The following DEFB113 variants were observed in gnomAD, a reference collection of about 807,000 sequenced individuals.
DEFB113 encodes the protein beta-defensin 113.
Under a neutral mutation model 2.5 loss-of-function variants are expected in DEFB113, and 5 were observed. That is an observed-to-expected ratio of 1.99 (90% CI 1.04 to 4.18). The LOEUF (loss-of-function observed/expected upper bound fraction) is 4.18, where lower values mean the gene tolerates loss of function less well. Among genes scored for constraint, DEFB113 ranks in the 30% most tolerant of loss-of-function variants. The pLI is 0.00. For synonymous variants in DEFB113, 42 were observed against 31.6 expected, an observed-to-expected ratio of 1.33 and a Z score of -1.11; for missense variants, 123 against 96.6, an observed-to-expected ratio of 1.27 and a Z score of -1.14.
chr6:49,969,366 C>T lies in DEFB113; in HGVS notation c.58+202G>A, dbSNP rs182229152. ...AACACAATAAATAAATTTAATTCTA[C>T]ATCTCAGGAAGTTTTAAAAATTATT... On this transcript the variant is annotated intron_variant, in intron 1 of 1. Coordinates refer to ENST00000398718, the MANE Select transcript of DEFB113 (RefSeq NM_001037729.1). Among the ~76,000 whole-genome samples the T allele has an allele frequency of 8.2e-4, 124 of 151,304 alleles. 1 individual carries two copies. The highest frequency in any genetic ancestry group is 2.7e-3 in the African/African-American group (113 of 41,452).
Position 49,969,572 on chromosome 6 carries a change from T to G in DEFB113, c.54A>C (p.Pro18=), listed in dbSNP as rs962030000. 1 of 1,601,708 alleles carries G rather than the reference T, an allele frequency of 6.2e-7. No individual in the cohort carries two copies. Among genetic ancestry groups the G allele is most frequent in the Non-Finnish European group, 8.5e-7 (1 of 1,171,662 alleles). ...TTTTATAATAACAAATATTACCTGATGGACCACAAGACACAGTGAAGACAA... is the reference window on the plus strand; with the variant it reads ...TTTTATAATAACAAATATTACCTGAGGGACCACAAGACACAGTGAAGACAA... ...LTFVFTVSCG[P]SVPQKKTREV... is the part of the protein sequence containing the mutation. Residue 18 remains proline (P), a synonymous_variant, in exon 1 of 2, where the codon CCA becomes CCC. Transcript: ENST00000398718.
intron 1 of DEFB113, 50 bp from the exon 2 acceptor site, chr6:49,968,917 A>T: frequency 6.7e-7 from 1 of 1,501,012 alleles, no homozygotes; most frequent in Non-Finnish European, 9.0e-7. Context: ...ATCCTTAGAT[A>T]CAGAGATGAA....
chr6:49,969,192 A>G (rs1211837816), intron 1 of DEFB113, among the ~76,000 whole-genome samples: 1 of 151,142 alleles, frequency 6.6e-6, no homozygotes, highest in Non-Finnish European at 1.5e-5. Context: ...ATCCACCTCC[A>G]ACCCCTTTTC....
At chr6:49,969,516 A>G (rs1239220495) in intron 1 of DEFB113, 52 bp downstream of exon 1, 4 of 1,282,908 alleles carry the variant, frequency 3.1e-6, no homozygotes, top group Non-Finnish European at 4.5e-6. Flanking sequence ...AGAGTAAAGC[A>G]TTTATAAGAA....
At chr6:49,969,435 T>C (rs1339149098) in intron 1 of DEFB113, 133 bp downstream of exon 1, 1 of 560,496 alleles carries the variant, frequency 1.8e-6, no homozygotes, top group South Asian at 3.2e-5. Context: ...CATGAAAAAA[T>C]AGAGAAAATT....
rs1773584936 is a variant in DEFB113, at chr6:49,968,710, A to G, written c.216T>C (p.Ile72=). 2.6e-6 allele frequency: 4 copies of G among 1,513,390 alleles called. No homozygotes were observed. The highest frequency in any genetic ancestry group is 2.6e-5 in the South Asian group (2 of 76,734). 93.7% of individuals were successfully genotyped at this position (1,513,390 alleles called of 1,614,324 possible). ...GATGGAGTTTACTAGTGATTTTGTT[A>G]ATGATTGGCTTTTGGTATTCCCATA... ...CAVWEYQKPI[I]NKITSKLHQK Residue 72 remains isoleucine (I), a synonymous_variant, in exon 2 of 2, where the codon ATT becomes ATC. Transcript: ENST00000398718.
In DEFB113 at chr6:49,968,804, G is replaced by T. The variant is rs779271969; in HGVS notation, c.122C>A (p.Ala41Asp). ...CCAGCTGTTGCATTCCGGCTTGCAA[G>T]CACCACGAACAAGCTGACATTCTCT... The part of the protein sequence containing the change: ...RKRECQLVRG[A>D]CKPECNSWEY... Residue 41 changes from alanine to aspartate, a missense_variant, in exon 2 of 2, where the codon GCT (alanine) becomes GAT (aspartate). Coordinates refer to ENST00000398718, the MANE Select transcript of DEFB113 (RefSeq NM_001037729.1). The T allele has an allele frequency of 3.1e-6, 5 of 1,603,826 alleles. No individual in the cohort carries two copies. The East Asian group carries it at 1.1e-4, about 36-fold the overall frequency.
intron 1 of DEFB113, 141 bp from the exon 2 acceptor site, chr6:49,969,008 TCA>T (rs1773591220): frequency 3.0e-6 from 2 of 677,674 alleles, no homozygotes; most frequent in Non-Finnish European, 4.5e-6. Flanking sequence ...TTTCCCTCTC[TCA>T]GCTGGTATAA....
intron 1 of DEFB113, 85 bp from the exon 2 acceptor site, chr6:49,968,952 A>G: frequency 7.7e-7 from 1 of 1,299,192 alleles, no homozygotes; most frequent in Non-Finnish European, 1.0e-6. Flanking sequence ...TGTAGAGTTA[A>G]ACCATTTTGT....
intron 1 of DEFB113, 51 bp downstream of exon 1, chr6:49,969,517 T>TTTTATTATTTATTA (rs1773598764): frequency 2.3e-6 from 3 of 1,295,424 alleles, no homozygotes; most frequent in Non-Finnish European, 3.3e-6. Context: ...GAGTAAAGCA[T>TTTTATTATTTATTA]TTATAAGAAC....
intron 1 of DEFB113, 38 bp downstream of exon 1, chr6:49,969,530 T>C (rs1773598973): frequency 7.1e-7 from 1 of 1,407,082 alleles, no homozygotes; most frequent in Non-Finnish European, 1.0e-6. Flanking sequence ...ATAAGAACAT[T>C]TTGCCTTTCA....
Position 49,968,819 on chromosome 6 carries a change from T to G in DEFB113, c.107A>C (p.Gln36Pro). The G allele has an allele frequency of 6.2e-7, 1 of 1,602,740 alleles. No individual in the cohort carries two copies. Among genetic ancestry groups the G allele is most frequent in the Non-Finnish European group, 8.5e-7 (1 of 1,174,762 alleles). ...REVAERKREC[Q>P]LVRGACKPEC... ...CGGCTTGCAAGCACCACGAACAAGC[T>G]GACATTCTCTTTTTCTCTCTGCAAC... The change falls in exon 2 of 2, where the codon CAG becomes CCG. Residue 36 changes from glutamine to proline, a missense_variant. Transcript: ENST00000398718.
Position 49,969,581 on chromosome 6 carries a change from A to C in DEFB113, c.45T>G (p.Ser15=), listed in dbSNP as rs1425431689. Residue 15 remains serine (S), a synonymous_variant, in exon 1 of 2, where the codon TCT becomes TCG. Coordinates refer to ENST00000398718, the MANE Select transcript of DEFB113 (RefSeq NM_001037729.1). The part of the protein sequence containing the change: ...CIFLTFVFTV[S]CGPSVPQKKT... The stretch of plus-strand genomic sequence containing the variant: ...AACAAATATTACCTGATGGACCACA[A>C]GACACAGTGAAGACAAAGGTCAGAA... 1 of 1,605,944 alleles carries C rather than the reference A, an allele frequency of 6.2e-7. No individual in the cohort carries two copies. Among genetic ancestry groups the C allele is most frequent in the Non-Finnish European group, 8.5e-7 (1 of 1,174,538 alleles).
At chr6:49,969,156 C>G (rs1035399892) in intron 1 of DEFB113, among the ~76,000 whole-genome samples, 1 of 151,052 alleles carries the variant, frequency 6.6e-6, no homozygotes, top group Admixed American at 6.6e-5. Flanking sequence ...AAGAAATAGC[C>G]TACATGTTCT....
At chr6:49,969,487 A>T (rs1773598045) in intron 1 of DEFB113, 81 bp downstream of exon 1, 2 of 1,038,840 alleles carry the variant, frequency 1.9e-6, no homozygotes, top group Non-Finnish European at 2.9e-6. Flanking sequence ...ACAATAATTT[A>T]TTTGTTTTTA....
rs750561660 is a variant in DEFB113 at position 49,969,578 on chromosome 6, A to G, written c.48T>C (p.Cys16=). The part of the protein sequence containing the change: ...IFLTFVFTVS[C]GPSVPQKKTR... ...AATAACAAATATTACCTGATGGACC[A>G]CAAGACACAGTGAAGACAAAGGTCA... The change falls in exon 1 of 2, where the codon TGT becomes TGC. Residue 16 remains cysteine (C), a synonymous_variant. Transcript: ENST00000398718. 1.2e-6 allele frequency: 2 copies of G among 1,605,558 alleles called. No individual in the cohort carries two copies. The highest frequency in any genetic ancestry group is 8.5e-7 in the Non-Finnish European group (1 of 1,174,106).
At position 49,968,938 on chromosome 6, in the gene DEFB113, A is replaced by T. The variant is rs1026769688; in HGVS notation, c.59-71T>A. ...AGATACAGAGATGAATAAACTCTTT[A>T]AAATGTAGAGTTAAACCATTTTGTT... On this transcript the variant is annotated intron_variant, in intron 1 of 1. Transcript: ENST00000398718. 3 of 1,402,992 alleles carry T rather than the reference A, an allele frequency of 2.1e-6. No homozygotes were observed. The African/African-American group carries it at 4.5e-5, about 21-fold the overall frequency. The allele number at this position is 1,402,992 out of a possible 1,614,324, so 86.9% of individuals were successfully genotyped here. A position where few individuals can be genotyped will look rare whatever the true frequency, so the allele number is the denominator to read the frequency against.
chr6:49,968,916 T>A, intron 1 of DEFB113, 49 bp from the exon 2 acceptor site: 1 of 1,503,856 alleles, frequency 6.6e-7, no homozygotes, highest in Non-Finnish European at 8.9e-7. Context: ...TATCCTTAGA[T>A]ACAGAGATGA....
Position 49,968,816 on chromosome 6 carries a change from A to G in DEFB113, c.110T>C (p.Leu37Pro), listed in dbSNP as rs1291998038. 6.2e-7 allele frequency: 1 copy of G among 1,602,856 alleles called. No individual in the cohort carries two copies. Among genetic ancestry groups the G allele is most frequent in the East Asian group, 2.3e-5 (1 of 44,336 alleles). The stretch of plus-strand genomic sequence containing the variant: ...TTCCGGCTTGCAAGCACCACGAACA[A>G]GCTGACATTCTCTTTTTCTCTCTGC... Reference protein sequence around the residue: ...EVAERKRECQLVRGACKPECN... With the variant: ...EVAERKRECQPVRGACKPECN... Residue 37 changes from leucine to proline, a missense_variant, in exon 2 of 2, where the codon CTT becomes CCT. Transcript: ENST00000398718.
Sources: allele counts gnomAD v4.1 joint callset (sites outside exome capture counted in the v4.1 genomes callset), GRCh38; gene constraint gnomAD v4.1.1; transcripts MANE v1.5; gene names NCBI Gene and HGNC (gene_info 2026-07-23, HGNC 2026-07-21).